Variants in FOXP4 observed in about 807,000 individuals in gnomAD.
FOXP4 encodes forkhead box P4, also known as forkhead box protein P4.
FOXP4 carries 25 observed loss-of-function variants against 82.6 expected under a neutral mutation model. That is an observed-to-expected ratio of 0.30 (90% CI 0.22 to 0.42). The LOEUF is 0.42. Ranked by LOEUF, FOXP4 falls within the 10% of genes least tolerant of loss-of-function variation. FOXP4 has a pLI of 1.00. For missense variants in FOXP4, 785 were observed against 900.9 expected (o/e 0.87, Z 1.65); for synonymous variants, 415 against 388.2 (o/e 1.07, Z -0.81).
At position 41,599,300 on chromosome 6, in the gene FOXP4, GC is replaced by G; in HGVS notation, c.*365del. ...AGCATCATGGAGACCCGCAGGCGGGGCTTAGCCACCCCTCAAACCCAGGGCC... is the reference window on the plus strand; with the variant it reads ...AGCATCATGGAGACCCGCAGGCGGGGTTAGCCACCCCTCAAACCCAGGGCC... On this transcript the variant is annotated 3_prime_UTR_variant, in exon 17 of 17. Coordinates refer to ENST00000307972, the MANE Select transcript of FOXP4 (RefSeq NM_001012426.2). 1 of 181,788 alleles carries G rather than the reference GC, an allele frequency of 5.5e-6. No individual in the cohort carries two copies. Among genetic ancestry groups the G allele is most frequent in the Non-Finnish European group, 1.2e-5 (1 of 86,244 alleles). The allele number at this position is 181,788 out of a possible 1,614,324, so 11.3% of individuals were successfully genotyped here. A position where few individuals can be genotyped will look rare whatever the true frequency, so the allele number is the denominator to read the frequency against.
At chr6:41,569,616 T>C (rs971315870) in intron 2 of FOXP4, among the ~76,000 whole-genome samples, 1 of 152,068 alleles carries the variant, frequency 6.6e-6, no homozygotes, top group Non-Finnish European at 1.5e-5. Flanking sequence ...GCTGGCCAAG[T>C]TGGGGCCAGG....
chr6:41,595,391 C>T (rs1286798007), intron 14 of FOXP4, among the ~76,000 whole-genome samples: 1 of 151,950 alleles, frequency 6.6e-6, no homozygotes, highest in African/African-American at 2.4e-5. Context: ...GACTAGACCT[C>T]TGAGGTCCCG....
intron 16 of FOXP4, 66 bp downstream of exon 16, chr6:41,598,016 C>A (rs1766968282): frequency 2.3e-6 from 3 of 1,315,248 alleles, no homozygotes; most frequent in Non-Finnish European, 3.0e-6. Flanking sequence ...GAGGCGTCAT[C>A]CCCCACCCTG....
intron 1 of FOXP4, among the ~76,000 whole-genome samples, chr6:41,552,679 G>A (rs7764874): frequency 0.14 from 21,278 of 152,122 alleles, 1,592 homozygotes; most frequent in African/African-American, 0.18. Context: ...CTCACCAGAC[G>A]CAGAGAAAAG....
At chr6:41,557,636 C>A (rs372036502) in intron 1 of FOXP4, among the ~76,000 whole-genome samples, 1 of 152,010 alleles carries the variant, frequency 6.6e-6, no homozygotes, top group East Asian at 1.9e-4. Context: ...TGGAAAAAGA[C>A]GAAAATTGAA....
intron 3 of FOXP4, among the ~76,000 whole-genome samples, chr6:41,580,518 C>T (rs775841421): frequency 2.0e-5 from 3 of 152,186 alleles, no homozygotes; most frequent in Non-Finnish European, 4.4e-5. Context: ...GTTCTTGGGG[C>T]CATGGAGCCA....
At chr6:41,559,808 G>A (rs1225140164) in intron 1 of FOXP4, among the ~76,000 whole-genome samples, 1 of 152,190 alleles carries the variant, frequency 6.6e-6, no homozygotes, top group Non-Finnish European at 1.5e-5. Context: ...ACCACCATCA[G>A]CATCACCTAG....
chr6:41,572,014 C>T (rs951418433), intron 2 of FOXP4, among the ~76,000 whole-genome samples: 5 of 152,110 alleles, frequency 3.3e-5, no homozygotes, highest in Admixed American at 2.6e-4. Flanking sequence ...GTATCTACCC[C>T]GAAAGACTGT....
chr6:41,565,644 A>C lies in FOXP4; in HGVS notation c.-16-101A>C, dbSNP rs1197321577. On this transcript the variant is annotated intron_variant, in intron 1 of 16. Coordinates refer to ENST00000307972, the MANE Select transcript of FOXP4 (RefSeq NM_001012426.2). ...GGAAGTTGAGGAGAAGTAGATGCCCAGCTACTCCTGTGGCGATGGTTATGT... is the reference window on the plus strand; with the variant it reads ...GGAAGTTGAGGAGAAGTAGATGCCCCGCTACTCCTGTGGCGATGGTTATGT... 17 of 1,084,680 alleles carry C rather than the reference A, an allele frequency of 1.6e-5. No homozygotes were observed. The Admixed American group carries it at 3.9e-4, about 25-fold the overall frequency. The allele number at this position is 1,084,680 out of a possible 1,614,324, so 67.2% of individuals were successfully genotyped here.
At chr6:41,552,468 A>G (rs1764053688) in intron 1 of FOXP4, among the ~76,000 whole-genome samples, 1 of 152,004 alleles carries the variant, frequency 6.6e-6, no homozygotes, top group Non-Finnish European at 1.5e-5. Context: ...CACTGAGAGA[A>G]TCCCTCCTTC....
intron 15 of FOXP4, among the ~76,000 whole-genome samples, chr6:41,597,507 G>A (rs537139349): frequency 2.0e-3 from 300 of 152,308 alleles, no homozygotes; most frequent in Middle Eastern, 0.014. Flanking sequence ...TCAGTCTGGG[G>A]GTTCTCTGTT....
At chr6:41,565,720 C>G in intron 1 of FOXP4, 25 bp from the exon 2 acceptor site, 1 of 1,558,110 alleles carries the variant, frequency 6.4e-7, no homozygotes, top group African/African-American at 1.3e-5. Context: ...TCAGCCTCTC[C>G]CCTGTGTCTC....
rs1766638786 is a variant in FOXP4, at chr6:41,593,533, C to T, written c.1537-1337C>T. ...TAGTCTCTCATCACGAATCAGGCTT[C>T]GAAATGAGGGAAAAAAGCCCCGGTG... is the stretch of plus-strand genomic sequence containing the variant. On this transcript the variant is annotated intron_variant, in intron 13 of 16. Transcript: ENST00000307972. The surrounding 1 kb of genome is among the most constrained non-coding windows in gnomAD (Gnocchi z 4.1). Among the ~76,000 whole-genome samples, 1 of 152,152 alleles carries T rather than the reference C, an allele frequency of 6.6e-6. No individual in the cohort carries two copies. Among genetic ancestry groups the T allele is most frequent in the Non-Finnish European group, 1.5e-5 (1 of 68,034 alleles).
chr6:41,554,988 C>T (rs1764196765), intron 1 of FOXP4, among the ~76,000 whole-genome samples: 2 of 152,192 alleles, frequency 1.3e-5, no homozygotes, highest in South Asian at 4.1e-4. Flanking sequence ...CGCAGTGGCT[C>T]ATGCCTGTAA....
chr6:41,555,992 G>A (rs116520124), intron 1 of FOXP4, among the ~76,000 whole-genome samples: 3,407 of 152,132 alleles, frequency 0.022, 63 homozygotes, highest in Admixed American at 0.039. Context: ...GTAGTAGGAA[G>A]GGGTATTGAG....
intron 2 of FOXP4, among the ~76,000 whole-genome samples, chr6:41,569,492 T>A (rs1359563228): frequency 2.0e-5 from 3 of 152,214 alleles, no homozygotes; most frequent in Non-Finnish European, 4.4e-5. Flanking sequence ...GTGTGGGGAT[T>A]TTCTCAGGGA....
At chr6:41,584,627 C>T in intron 3 of FOXP4, 142 bp from the exon 4 acceptor site, 1 of 940,032 alleles carries the variant, frequency 1.1e-6, no homozygotes, top group Non-Finnish European at 1.6e-6. Context: ...AAGAGAGAGA[C>T]AGCCAGCAGG....
At chr6:41,571,081 G>T (rs920593023) in intron 2 of FOXP4, among the ~76,000 whole-genome samples, 2 of 152,116 alleles carry the variant, frequency 1.3e-5, no homozygotes, top group African/African-American at 4.8e-5. Context: ...TGTATGTCTG[G>T]TAGCCACCTC....
At chr6:41,577,871 C>T in intron 2 of FOXP4, 115 bp from the exon 3 acceptor site, 1 of 703,748 alleles carries the variant, frequency 1.4e-6, no homozygotes, top group Non-Finnish European at 2.4e-6. Flanking sequence ...CCCTCTCACC[C>T]CCAAGACCTT....
Sources: allele counts gnomAD v4.1 joint callset (sites outside exome capture counted in the v4.1 genomes callset), GRCh38; gene constraint gnomAD v4.1.1; non-coding constraint Gnocchi (gnomAD v3.1); transcripts MANE v1.5; gene names NCBI Gene and HGNC (gene_info 2026-07-23, HGNC 2026-07-21).